ZNF236: variants seen among roughly 807,000 people sequenced by gnomAD.
ZNF236 encodes zinc finger protein 236.
In ZNF236, 50 loss-of-function variants were observed where a neutral mutation model predicts 191.2. The ratio of observed to expected loss-of-function variants is 0.26; its 90% confidence interval spans 0.21 to 0.33. The LOEUF (loss-of-function observed/expected upper bound fraction) is 0.33, where lower values mean the gene tolerates loss of function less well. Ranked by LOEUF, ZNF236 falls within the 10% of genes least tolerant of loss-of-function variation. The probability of loss-of-function intolerance (pLI) is 1.00; values close to 1 mark genes in which losing one functional copy is unlikely to be tolerated. For missense variants in ZNF236, 1,754 were observed against 2,374.5 expected (o/e 0.74, Z 5.43); for synonymous variants, 907 against 928.8 (o/e 0.98, Z 0.43).
intron 28 of ZNF236, 123 bp from the exon 29 acceptor site, chr18:76,959,564 C>A: frequency 1.7e-6 from 2 of 1,171,052 alleles, no homozygotes; most frequent in Non-Finnish European, 2.3e-6. Context: ...ACACAAATCA[C>A]AGATTAGCCT....
Position 76,894,763 on chromosome 18 carries a change from G to A in ZNF236, c.1418-250G>A, listed in dbSNP as rs185716187. On this transcript the variant is annotated intron_variant, in intron 9 of 30. Coordinates refer to ENST00000320610, the MANE Select transcript of ZNF236 (RefSeq NM_001306089.2). Reference sequence around the variant, plus strand: ...AGGGAGCCAGCTGTGTCCTGGTGCCGCTGGACCTACCGAATCAATCACCCT... The same window carrying A: ...AGGGAGCCAGCTGTGTCCTGGTGCCACTGGACCTACCGAATCAATCACCCT... Among the ~76,000 whole-genome samples, 4 of 152,146 alleles carry A rather than the reference G, an allele frequency of 2.6e-5. No homozygotes were observed. The South Asian group carries it at 8.3e-4, about 32-fold the overall frequency.
chr18:76,888,954 T>C (rs1378495595), intron 9 of ZNF236, among the ~76,000 whole-genome samples: 1 of 152,242 alleles, frequency 6.6e-6, no homozygotes, highest in African/African-American at 2.4e-5. Context: ...TGGGAGCTAA[T>C]TGAAGACTGA....
At chr18:76,883,056 G>T (rs1599361393) in intron 9 of ZNF236, among the ~76,000 whole-genome samples, 1 of 152,290 alleles carries the variant, frequency 6.6e-6, no homozygotes, top group South Asian at 2.1e-4. Context: ...CATAGCCATG[G>T]TCCTTAGACC....
At chr18:76,900,510 T>G (rs1034223240) in intron 11 of ZNF236, among the ~76,000 whole-genome samples, 2 of 152,196 alleles carry the variant, frequency 1.3e-5, no homozygotes, top group African/African-American at 4.8e-5. Context: ...CAGAAAAATT[T>G]CAATAAATTT....
rs554833086 is a variant in ZNF236, at chr18:76,956,043, C to T, written c.4973C>T (p.Ala1658Val). Reference protein sequence around the residue: ...PGNQPEKEGRAHQCLECDRAF... With the variant: ...PGNQPEKEGRVHQCLECDRAF... ...AACCAGCCAGAGAAGGAGGGCCGGG[C>T]GCACCAGTGCCTGGAGTGTGACCGC... Residue 1658 changes from alanine to valine, a missense_variant, in exon 28 of 31, where the codon GCG becomes GTG. Transcript: ENST00000320610. 1.4e-5 allele frequency: 22 copies of T among 1,609,808 alleles called. No individual in the cohort carries two copies. The highest frequency in any genetic ancestry group is 2.1e-4 in the Middle Eastern group (1 of 4,718).
intron 19 of ZNF236, among the ~76,000 whole-genome samples, chr18:76,918,745 G>A (rs1967448995): frequency 6.6e-6 from 1 of 152,066 alleles, no homozygotes; most frequent in South Asian, 2.1e-4. Context: ...GGTAAAGATG[G>A]ACTCTTGCTG....
chr18:76,914,130 A>T (rs1246288061), intron 18 of ZNF236, among the ~76,000 whole-genome samples: 1 of 152,036 alleles, frequency 6.6e-6, no homozygotes, highest in East Asian at 1.9e-4. Flanking sequence ...AATGCCCAGA[A>T]CCTCAGGCAC....
intron 26 of ZNF236, among the ~76,000 whole-genome samples, chr18:76,942,182 G>A (rs1458556875): frequency 6.6e-6 from 1 of 152,198 alleles, no homozygotes; most frequent in Non-Finnish European, 1.5e-5. Flanking sequence ...AAAATGACAT[G>A]TGCTCCTTGA....
At chr18:76,849,704 C>T (rs376064812) in intron 2 of ZNF236, 36 bp downstream of exon 2, 17 of 1,446,156 alleles carry the variant, frequency 1.2e-5, no homozygotes, top group African/African-American at 5.8e-5. Context: ...GGAATGTGAG[C>T]GTTGAAACTG....
rs559107426 is a variant in ZNF236, at chr18:76,929,327, C to T, written c.4594+1221C>T. 5.9e-5 allele frequency among the ~76,000 whole-genome samples: 9 copies of T among 152,186 alleles called. No individual in the cohort carries two copies. The South Asian group carries it at 1.7e-3, about 28-fold the overall frequency. ...CATTGAATTTTATATAATTCAGTAA[C>T]CTTCCTCCTTTTAAAATTATATTTA... is the stretch of plus-strand genomic sequence containing the variant. On this transcript the variant is annotated intron_variant, in intron 25 of 30. Transcript: ENST00000320610.
At chr18:76,904,242 A>G (rs1977679001) in intron 11 of ZNF236, 138 bp from the exon 12 acceptor site, 5 of 676,522 alleles carry the variant, frequency 7.4e-6, no homozygotes, top group Admixed American at 4.2e-5. Context: ...TCCTAACACA[A>G]TTAAAATAAC....
intron 26 of ZNF236, among the ~76,000 whole-genome samples, chr18:76,941,424 C>G (rs1015767745): frequency 7.2e-5 from 11 of 152,186 alleles, no homozygotes; most frequent in South Asian, 2.1e-4. Flanking sequence ...CCTGCCTGGC[C>G]CCTGCTACGC....
At chr18:76,924,496 C>T (rs759727212) in intron 21 of ZNF236, among the ~76,000 whole-genome samples, 7 of 152,182 alleles carry the variant, frequency 4.6e-5, no homozygotes, top group Non-Finnish European at 7.3e-5. Flanking sequence ...TCCTAGTGTG[C>T]ACCATCCTGT....
In ZNF236 at chr18:76,851,848, G is replaced by A; in HGVS notation, c.272G>A (p.Ser91Asn). The A allele has an allele frequency of 6.2e-7, 1 of 1,614,104 alleles. No homozygotes were observed. The highest frequency in any genetic ancestry group is 8.5e-7 in the Non-Finnish European group (1 of 1,179,978). The change falls in exon 3 of 31, where the codon AGC (serine) becomes AAC (asparagine). Residue 91 changes from serine to asparagine, a missense_variant. Around this residue, in one of 5 missense-constraint regions of ZNF236, gnomAD observed 336 missense variants for 495.1 expected, o/e 0.68. Transcript: ENST00000320610. ...FNLTLHKCTH[S>N]GEDPTCPVCN... is the part of the protein sequence containing the mutation. ...CTGACACTTCATAAATGCACCCACA[G>A]CGGGGAAGATCCTACCTGCCCTGTG...
intron 30 of ZNF236, among the ~76,000 whole-genome samples, chr18:76,963,305 T>G (rs1968704299): frequency 6.6e-6 from 1 of 151,258 alleles, no homozygotes; most frequent in South Asian, 2.1e-4. Flanking sequence ...TTTTGTCTGA[T>G]GTTTTTTCTG....
intron 9 of ZNF236, 93 bp downstream of exon 9, chr18:76,881,605 A>G (rs1360773107): frequency 4.5e-6 from 5 of 1,108,262 alleles, no homozygotes; most frequent in Non-Finnish European, 6.4e-6. Context: ...TGAAGGTGAT[A>G]GGATATGTTT....
chr18:76,877,520 A>G (rs1976751602), intron 6 of ZNF236, among the ~76,000 whole-genome samples: 1 of 151,972 alleles, frequency 6.6e-6, no homozygotes, highest in African/African-American at 2.4e-5. Context: ...AGAAAAAAAG[A>G]AAATTAGTTG....
chr18:76,839,243 A>G (rs1386787280), intron 1 of ZNF236, among the ~76,000 whole-genome samples: 1 of 152,230 alleles, frequency 6.6e-6, no homozygotes, highest in African/African-American at 2.4e-5. Flanking sequence ...AGATGTACCT[A>G]GGAGTGGAAC....
chr18:76,853,737 A>G (rs1371192564), intron 3 of ZNF236, among the ~76,000 whole-genome samples: 1 of 152,088 alleles, frequency 6.6e-6, no homozygotes, highest in African/African-American at 2.4e-5. Flanking sequence ...CTGGCTCGGC[A>G]TGGTGGCTCA....
Sources: allele counts gnomAD v4.1 joint callset (sites outside exome capture counted in the v4.1 genomes callset), GRCh38; gene constraint gnomAD v4.1.1; regional missense constraint gnomAD v4.1.1; transcripts MANE v1.5; gene names NCBI Gene and HGNC (gene_info 2026-07-23, HGNC 2026-07-21).